The following PTPRM variants were observed in gnomAD, a reference collection of about 807,000 sequenced individuals.
PTPRM encodes the protein receptor-type tyrosine-protein phosphatase mu.
PTPRM carries 47 observed loss-of-function variants against 186.7 expected under a neutral mutation model. That is an observed-to-expected ratio of 0.25 (90% CI 0.20 to 0.32). The LOEUF is 0.32. PTPRM is among the 10% of genes least tolerant of loss of function. The probability of loss-of-function intolerance (pLI) is 1.00; values close to 1 mark genes in which losing one functional copy is unlikely to be tolerated. For synonymous variants in PTPRM, 668 were observed against 674.9 expected, an observed-to-expected ratio of 0.99 and a Z score of 0.16; for missense variants, 1,494 against 1,865.0, an observed-to-expected ratio of 0.80 and a Z score of 3.66.
At position 8,358,108 on chromosome 18, in the gene PTPRM, C is replaced by T. The variant is rs114891586; in HGVS notation, c.3055-12782C>T. 2.3e-3 allele frequency among the ~76,000 whole-genome samples: 357 copies of T among 151,938 alleles called. 1 individual carries two copies. The highest frequency in any genetic ancestry group is 7.8e-3 in the African/African-American group (321 of 41,302). ...CATACACAACATATTTACACATGCA[C>T]ATTTTTGTTTAAGGCTAGCTATTCC... On this transcript the variant is annotated intron_variant, in intron 23 of 32. Coordinates refer to ENST00000580170, the MANE Select transcript of PTPRM (RefSeq NM_001105244.2).
At chr18:7,843,300 C>T (rs2046440512) in intron 2 of PTPRM, among the ~76,000 whole-genome samples, 1 of 152,184 alleles carries the variant, frequency 6.6e-6, no homozygotes, top group Non-Finnish European at 1.5e-5. Flanking sequence ...TCCTGAGAGT[C>T]TCCATTGTTA....
At chr18:8,208,510 G>GC (rs1446600024) in intron 14 of PTPRM, among the ~76,000 whole-genome samples, 2 of 142,176 alleles carry the variant, frequency 1.4e-5, no homozygotes, top group Admixed American at 1.4e-4. Flanking sequence ...GAGTGGCCAG[G>GC]CAAGGCCTAT....
chr18:7,615,081 T>C (rs1381263281), intron 1 of PTPRM, among the ~76,000 whole-genome samples: 2 of 152,226 alleles, frequency 1.3e-5, no homozygotes, highest in Admixed American at 1.3e-4. Context: ...CCATAGATTA[T>C]AATTGAGAAT....
chr18:7,960,480 T>TATATATATATATATACACAC (rs1300573371), intron 7 of PTPRM, among the ~76,000 whole-genome samples: 26 of 86,582 alleles, frequency 3.0e-4, no homozygotes, highest in African/African-American at 1.1e-3. Flanking sequence ...TATATATATA[T>TATATATATATATATACACAC]ACACACACAC....
At chr18:8,316,394 G>T (rs1002982613) in intron 21 of PTPRM, among the ~76,000 whole-genome samples, 1 of 152,170 alleles carries the variant, frequency 6.6e-6, no homozygotes, top group African/African-American at 2.4e-5. Flanking sequence ...AGCTTTAACC[G>T]GTGAGTAAGT....
intron 2 of PTPRM, among the ~76,000 whole-genome samples, chr18:7,869,398 G>A (rs1241719644): frequency 6.6e-6 from 1 of 152,184 alleles, no homozygotes; most frequent in Non-Finnish European, 1.5e-5. Flanking sequence ...CTGAGCTGGA[G>A]TGCACCATTC....
At chr18:8,300,874 C>T (rs778614707) in intron 20 of PTPRM, among the ~76,000 whole-genome samples, 1 of 152,148 alleles carries the variant, frequency 6.6e-6, no homozygotes, top group African/African-American at 2.4e-5. Flanking sequence ...CCTGGGTATC[C>T]GTGTTACCCC....
intron 22 of PTPRM, 92 bp from the exon 23 acceptor site, chr18:8,343,331 G>T (rs1285422158): frequency 6.9e-6 from 7 of 1,007,824 alleles, no homozygotes; most frequent in Non-Finnish European, 1.1e-5. Flanking sequence ...GGAACTGCAT[G>T]TGGGTATTAA....
intron 14 of PTPRM, among the ~76,000 whole-genome samples, chr18:8,235,263 C>A (rs1601386541): frequency 6.6e-6 from 1 of 152,086 alleles, no homozygotes; most frequent in Non-Finnish European, 1.5e-5. Flanking sequence ...AGCTATAGGC[C>A]TAGTGAGATT....
At chr18:8,239,895 A>G (rs948469530) in intron 14 of PTPRM, among the ~76,000 whole-genome samples, 23 of 152,214 alleles carry the variant, frequency 1.5e-4, no homozygotes, top group South Asian at 4.1e-4. Context: ...GGCCTTTGAG[A>G]TTCATGCAGT....
intron 22 of PTPRM, among the ~76,000 whole-genome samples, chr18:8,342,032 G>A (rs1202303241): frequency 6.6e-6 from 1 of 152,210 alleles, no homozygotes; most frequent in Non-Finnish European, 1.5e-5. Flanking sequence ...CTTTTATGGG[G>A]AGGGTAACAG....
At chr18:7,636,216 C>G (rs1279771675) in intron 1 of PTPRM, among the ~76,000 whole-genome samples, 1 of 151,906 alleles carries the variant, frequency 6.6e-6, no homozygotes, top group Non-Finnish European at 1.5e-5. Context: ...TGCTTGGAAT[C>G]TAGTAGGCAT....
chr18:7,717,170 A>G (rs678492), intron 1 of PTPRM, among the ~76,000 whole-genome samples: 89,272 of 151,840 alleles, frequency 0.59, 27,233 homozygotes, highest in East Asian at 0.99. Context: ...AAGTTGAAAA[A>G]CCTGAAACTG....
intron 14 of PTPRM, among the ~76,000 whole-genome samples, chr18:8,211,368 T>G: frequency 1.4e-5 from 2 of 143,298 alleles, no homozygotes; most frequent in Admixed American, 7.0e-5. Context: ...CTTGTGTAGG[T>G]CTCTTCTTCT....
At chr18:7,630,987 A>C (rs905832877) in intron 1 of PTPRM, among the ~76,000 whole-genome samples, 1 of 152,172 alleles carries the variant, frequency 6.6e-6, no homozygotes, top group African/African-American at 2.4e-5. Context: ...TGTGCCCAGG[A>C]TCTGATTTCC....
intron 7 of PTPRM, among the ~76,000 whole-genome samples, chr18:8,028,065 C>T (rs952584054): frequency 1.3e-5 from 2 of 152,100 alleles, no homozygotes; most frequent in Non-Finnish European, 2.9e-5. Context: ...GCAATGATAA[C>T]AATCTGGGTT....
rs181988772 is a variant in PTPRM at position 8,042,020 on chromosome 18, A to G, written c.1133-27666A>G. Reference sequence around the variant, plus strand: ...GGGGTTATTATAAAGTGATTACTGAATAGCTAGGTATGTCATCTTAAACAA... The same window carrying G: ...GGGGTTATTATAAAGTGATTACTGAGTAGCTAGGTATGTCATCTTAAACAA... On this transcript the variant is annotated intron_variant, in intron 7 of 32. Coordinates refer to ENST00000580170, the MANE Select transcript of PTPRM (RefSeq NM_001105244.2). Among the ~76,000 whole-genome samples, 3 of 152,346 alleles carry G rather than the reference A, an allele frequency of 2.0e-5. No homozygotes were observed. The East Asian group carries it at 5.8e-4, about 29-fold the overall frequency.
chr18:8,078,578 T>A (rs1325806114), intron 9 of PTPRM, among the ~76,000 whole-genome samples: 1 of 152,206 alleles, frequency 6.6e-6, no homozygotes, highest in Non-Finnish European at 1.5e-5. Context: ...GGATAATTTT[T>A]GAAGGAAAGA....
intron 1 of PTPRM, among the ~76,000 whole-genome samples, chr18:7,753,134 G>T (rs896026872): frequency 2.6e-5 from 4 of 152,034 alleles, no homozygotes; most frequent in Non-Finnish European, 5.9e-5. Flanking sequence ...GAACATGTTT[G>T]TTTGGAAAAA....
Sources: allele counts gnomAD v4.1 joint callset (sites outside exome capture counted in the v4.1 genomes callset), GRCh38; gene constraint gnomAD v4.1.1; transcripts MANE v1.5; gene names NCBI Gene and HGNC (gene_info 2026-07-23, HGNC 2026-07-21).